PPP2R2B: variants seen among roughly 807,000 people sequenced by gnomAD.
PPP2R2B encodes the protein serine/threonine-protein phosphatase 2A 55 kDa regulatory subunit B beta isoform.
Under a neutral mutation model 46.0 loss-of-function variants are expected in PPP2R2B, and 5 were observed. That is an observed-to-expected ratio of 0.11 (90% CI 0.06 to 0.23). PPP2R2B has a LOEUF of 0.23. Among genes scored for constraint, PPP2R2B ranks in the 10% least tolerant of loss-of-function variants. The probability of loss-of-function intolerance (pLI) is 1.00; values close to 1 mark genes in which losing one functional copy is unlikely to be tolerated. For missense variants in PPP2R2B, 367 were observed against 575.0 expected (o/e 0.64, Z 3.70); for synonymous variants, 215 against 206.7 (o/e 1.04, Z -0.34).
At chr5:147,043,349 G>A (rs1756400822) in intron 1 of PPP2R2B, among the ~76,000 whole-genome samples, 1 of 152,028 alleles carries the variant, frequency 6.6e-6, no homozygotes, top group Non-Finnish European at 1.5e-5. Flanking sequence ...GGTTATTAGG[G>A]GTGGGACCTT....
intron 2 of PPP2R2B, among the ~76,000 whole-genome samples, chr5:146,867,881 C>A (rs1487000712): frequency 6.6e-6 from 1 of 152,182 alleles, no homozygotes; most frequent in African/African-American, 2.4e-5. Context: ...GTTAAATTTT[C>A]TTTCCTACTT....
intron 1 of PPP2R2B, among the ~76,000 whole-genome samples, chr5:147,026,390 T>C (rs1755528601): frequency 6.6e-6 from 1 of 152,090 alleles, no homozygotes; most frequent in African/African-American, 2.4e-5. Context: ...TGAGTTTATA[T>C]ATATAAAATT....
chr5:146,753,264 T>A (rs1023036074), intron 2 of PPP2R2B, among the ~76,000 whole-genome samples: 20 of 152,200 alleles, frequency 1.3e-4, no homozygotes, highest in African/African-American at 4.8e-4. Flanking sequence ...TAGCACAGTG[T>A]CTGGTACACA....
At chr5:146,718,715 A>G (rs1402913608) in intron 2 of PPP2R2B, among the ~76,000 whole-genome samples, 1 of 152,206 alleles carries the variant, frequency 6.6e-6, no homozygotes, top group Non-Finnish European at 1.5e-5. Flanking sequence ...AAGGCAATCG[A>G]ACACCAGAGA....
intron 2 of PPP2R2B, among the ~76,000 whole-genome samples, chr5:146,759,949 G>C (rs186167535): frequency 8.3e-4 from 126 of 152,158 alleles, no homozygotes; most frequent in African/African-American, 2.9e-3. Flanking sequence ...TATCATATTT[G>C]TGCCTTCCCA....
intron 1 of PPP2R2B, among the ~76,000 whole-genome samples, chr5:146,935,876 C>T (rs977104774): frequency 1.3e-5 from 2 of 152,064 alleles, no homozygotes; most frequent in Non-Finnish European, 2.9e-5. Flanking sequence ...GGTTTGATTC[C>T]CAGTTCTCAT....
chr5:146,973,869 A>G (rs984241339), intron 1 of PPP2R2B, among the ~76,000 whole-genome samples: 5 of 152,248 alleles, frequency 3.3e-5, no homozygotes, highest in African/African-American at 1.2e-4. Flanking sequence ...AACAATGCAT[A>G]TAGATAATAG....
intron 2 of PPP2R2B, among the ~76,000 whole-genome samples, chr5:146,740,217 CCAAGTGAAAGAGGTGTA>C (rs1752783875): frequency 6.6e-6 from 1 of 152,082 alleles, no homozygotes; most frequent in African/African-American, 2.4e-5. Flanking sequence ...CTAACTTTTT[CCAAGTGAAAGAGGTGTA>C]CAAGTGATAA....
At chr5:146,770,223 G>A (rs1184145199) in intron 2 of PPP2R2B, among the ~76,000 whole-genome samples, 1 of 151,056 alleles carries the variant, frequency 6.6e-6, no homozygotes, top group Non-Finnish European at 1.5e-5. Context: ...TAGATACTCG[G>A]GAGAGGCTGA....
At chr5:147,059,046 G>A (rs548503727), upstream of PPP2R2B, among the ~76,000 whole-genome samples, 2 of 152,256 alleles carry the variant, frequency 1.3e-5, no homozygotes, top group South Asian at 2.1e-4. Flanking sequence ...GTAACGGAAA[G>A]TTTTCCAAAT....
chr5:146,927,860 G>A (rs319138), intron 1 of PPP2R2B, among the ~76,000 whole-genome samples: 70,622 of 151,478 alleles, frequency 0.47, 18,537 homozygotes, highest in East Asian at 0.73. Flanking sequence ...ACTCTCTCCT[G>A]TTCCCTGAGT....
intron 2 of PPP2R2B, among the ~76,000 whole-genome samples, chr5:146,855,204 T>G (rs1760584194): frequency 1.3e-5 from 2 of 152,284 alleles, no homozygotes; most frequent in South Asian, 4.1e-4. Context: ...TTACAACAGA[T>G]GTAAGCCTTT....
intron 2 of PPP2R2B, among the ~76,000 whole-genome samples, chr5:146,719,110 A>G (rs74686802): frequency 0.018 from 2,686 of 152,314 alleles, 62 homozygotes; most frequent in Non-Finnish European, 0.02. Context: ...AATAATTCTA[A>G]GAGTTGATCA....
intron 7 of PPP2R2B, chr5:146,617,146 C>T (rs1251597251): frequency 6.6e-6 from 1 of 151,940 alleles, no homozygotes; most frequent in Non-Finnish European, 1.5e-5. Flanking sequence ...TGCATGTTCT[C>T]ACTTATTTAT....
In PPP2R2B at chr5:146,589,129, T is replaced by TGTAA. The variant is rs750358154; in HGVS notation, c.*814_*817dup. The TGTAA allele has an allele frequency of 9.9e-5, 15 of 152,130 alleles. No homozygotes were observed. The highest frequency in any genetic ancestry group is 4.1e-4 in the South Asian group (2 of 4,822). 9.4% of individuals were successfully genotyped at this position (152,130 alleles called of 1,614,324 possible). On this transcript the variant is annotated 3_prime_UTR_variant, in exon 10 of 10. Coordinates refer to ENST00000394411, the MANE Select transcript of PPP2R2B (RefSeq NM_181675.4). Reference sequence around the variant, plus strand: ...TTGAAGAGAAAAAAGCCAAGGAACATGTAAGTAGAAGATTATATGGAGCCA... The same window carrying TGTAA: ...TTGAAGAGAAAAAAGCCAAGGAACATGTAAGTAAGTAGAAGATTATATGGAGCCA...
intron 7 of PPP2R2B, among the ~76,000 whole-genome samples, chr5:146,636,174 G>A (rs933279326): frequency 2.6e-5 from 4 of 152,044 alleles, no homozygotes; most frequent in East Asian, 1.9e-4. Flanking sequence ...GCTGTCCAGC[G>A]AAATGCTCTC....
chr5:146,581,532 C>T lies in PPP2R2B; in HGVS notation c.*8415G>A, dbSNP rs983648867. On this transcript the variant is annotated 3_prime_UTR_variant, in exon 10 of 10. Coordinates refer to ENST00000394411, the MANE Select transcript of PPP2R2B (RefSeq NM_181675.4). ...CCAAATCATGTCAATATATAATTAACCTTTCTGCCTTTTCAAAAATAATAT... is the reference window on the plus strand; with the variant it reads ...CCAAATCATGTCAATATATAATTAATCTTTCTGCCTTTTCAAAAATAATAT... 3.9e-5 allele frequency: 6 copies of T among 152,128 alleles called. No individual in the cohort carries two copies. The highest frequency in any genetic ancestry group is 8.8e-5 in the Non-Finnish European group (6 of 68,026). The allele number at this position is 152,128 out of a possible 1,614,324, so 9.4% of individuals were successfully genotyped here. A position where few individuals can be genotyped will look rare whatever the true frequency, so the allele number is the denominator to read the frequency against.
intron 9 of PPP2R2B, 111 bp from the exon 10 acceptor site, chr5:146,590,337 A>G (rs1770492246): frequency 1.7e-6 from 2 of 1,160,254 alleles, no homozygotes; most frequent in African/African-American, 1.6e-5. Context: ...ATTAAAAACA[A>G]AAACCAAAAA....
chr5:146,899,783 G>A (rs1383546927), intron 1 of PPP2R2B, among the ~76,000 whole-genome samples: 2 of 152,148 alleles, frequency 1.3e-5, no homozygotes, highest in Admixed American at 6.6e-5. Flanking sequence ...TACTTGAAGA[G>A]CTATTTCCCA....
Sources: gnomAD v4.1 joint callset for allele counts (sites outside exome capture counted in the v4.1 genomes callset) on GRCh38, gnomAD v4.1.1 for gene constraint, MANE v1.5 for transcripts, NCBI Gene and HGNC (gene_info 2026-07-23, HGNC 2026-07-21) for gene names.